JMJD1C: variants seen among roughly 807,000 people sequenced by gnomAD.
The protein encoded by JMJD1C is jumonji domain containing 1C, also known as jumonji domain-containing protein 1C.
In JMJD1C, 31 loss-of-function variants were observed where a neutral mutation model predicts 245.3. That is an observed-to-expected ratio of 0.13 (90% CI 0.09 to 0.17). JMJD1C has a LOEUF of 0.17. Among genes scored for constraint, JMJD1C ranks in the 10% least tolerant of loss-of-function variants. JMJD1C has a pLI of 1.00. For synonymous variants in JMJD1C, 1,057 were observed against 1,017.4 expected, an observed-to-expected ratio of 1.04 and a Z score of -0.74; for missense variants, 2,691 against 3,000.2, an observed-to-expected ratio of 0.90 and a Z score of 2.41.
chr10:63,428,026 T>C, intron 1 of JMJD1C: 2 of 613,608 alleles, frequency 3.3e-6, no homozygotes, highest in Non-Finnish European at 5.9e-6. Flanking sequence ...TACTTTATCA[T>C]TAAAAATCAA....
At chr10:63,323,916 A>G (rs1941217460) in intron 2 of JMJD1C, among the ~76,000 whole-genome samples, 1 of 152,198 alleles carries the variant, frequency 6.6e-6, no homozygotes, top group African/African-American at 2.4e-5. Context: ...AGCTGGAGAA[A>G]CAGGAAAGCC....
At chr10:63,270,212 G>A (rs137966351) in intron 2 of JMJD1C, among the ~76,000 whole-genome samples, 4 of 152,204 alleles carry the variant, frequency 2.6e-5, no homozygotes, top group Admixed American at 6.5e-5. Flanking sequence ...TGTTACCCAG[G>A]CTGGAGCGCA....
intron 2 of JMJD1C, among the ~76,000 whole-genome samples, chr10:63,269,780 T>G (rs1409427925): frequency 6.6e-6 from 1 of 152,222 alleles, no homozygotes; most frequent in East Asian, 1.9e-4. Flanking sequence ...CCTAGATAGT[T>G]CTAAGATACA....
intron 1 of JMJD1C, among the ~76,000 whole-genome samples, chr10:63,385,581 G>A (rs903129127): frequency 6.6e-6 from 1 of 151,588 alleles, no homozygotes; most frequent in African/African-American, 2.4e-5. Context: ...GGGACTACAG[G>A]TGCATGTTAC....
intron 2 of JMJD1C, among the ~76,000 whole-genome samples, chr10:63,327,441 A>AC (rs1039214833): frequency 4.6e-5 from 7 of 152,104 alleles, no homozygotes; most frequent in African/African-American, 9.7e-5. Flanking sequence ...TATTTCCCCC[A>AC]CCCCCAAGTA....
intron 3 of JMJD1C, among the ~76,000 whole-genome samples, chr10:63,248,463 G>A (rs1852558590): frequency 6.6e-6 from 1 of 152,062 alleles, no homozygotes; most frequent in African/African-American, 2.4e-5. Context: ...AGAGGTTGCA[G>A]TGAGCTCAGA....
intron 1 of JMJD1C, among the ~76,000 whole-genome samples, chr10:63,459,352 G>A (rs1024082776): frequency 2.6e-5 from 4 of 152,140 alleles, no homozygotes; most frequent in Admixed American, 1.3e-4. Flanking sequence ...CACTGACAGA[G>A]TATAAACTAG....
intron 2 of JMJD1C, among the ~76,000 whole-genome samples, chr10:63,301,398 G>A (rs1417195289): frequency 6.6e-6 from 1 of 152,132 alleles, no homozygotes; most frequent in Non-Finnish European, 1.5e-5. Flanking sequence ...TTTACTCTAG[G>A]AAGTACACCT....
At chr10:63,247,718 C>CAAAAAA (rs1852412085) in intron 3 of JMJD1C, among the ~76,000 whole-genome samples, 1 of 12,642 alleles carries the variant, frequency 7.9e-5, no homozygotes, top group Admixed American at 4.4e-4. Flanking sequence ...GGTGACAGAG[C>CAAAAAA]CAAAAAAAAA....
intron 2 of JMJD1C, among the ~76,000 whole-genome samples, chr10:63,313,143 T>C (rs1349940580): frequency 1.3e-5 from 2 of 152,214 alleles, no homozygotes; most frequent in African/African-American, 4.8e-5. Flanking sequence ...TGTATGATTC[T>C]TATGCCTTTG....
chr10:63,470,746 G>A (rs1165887832), upstream of JMJD1C, among the ~76,000 whole-genome samples: 2 of 152,160 alleles, frequency 1.3e-5, no homozygotes, highest in African/African-American at 4.8e-5. Context: ...AGAAAAAAAG[G>A]AAGATAGAAA....
rs1950505212 is a variant in JMJD1C at position 63,427,394 on chromosome 10, A to G, written c.168+38101T>C. ...CAGTACCCAAATCCCTATAGCAAAC[A>G]TGTCTTGACGGAAGACACAGTACAC... On this transcript the variant is annotated intron_variant, in intron 1 of 25. Coordinates refer to ENST00000399262, the MANE Select transcript of JMJD1C (RefSeq NM_032776.3). The G allele has an allele frequency of 3.8e-5, 42 of 1,099,086 alleles. 1 individual carries two copies. The South Asian group carries it at 4.8e-4, about 12-fold the overall frequency. The allele number at this position is 1,099,086 out of a possible 1,614,324, so 68.1% of individuals were successfully genotyped here.
chr10:63,430,752 T>G (rs117941507), intron 1 of JMJD1C, among the ~76,000 whole-genome samples: 1,572 of 152,284 alleles, frequency 0.01, 13 homozygotes, highest in Non-Finnish European at 0.016. Context: ...TCAATAAAAC[T>G]ATCTAATTTA....
At chr10:63,288,305 T>G (rs1056849821) in intron 2 of JMJD1C, among the ~76,000 whole-genome samples, 1 of 152,254 alleles carries the variant, frequency 6.6e-6, no homozygotes, top group Admixed American at 6.5e-5. Context: ...TTTCTCCATG[T>G]CTTTTCATAG....
At chr10:63,189,862 G>A (rs1252517554) in intron 17 of JMJD1C, among the ~76,000 whole-genome samples, 1 of 145,988 alleles carries the variant, frequency 6.8e-6, no homozygotes, top group Non-Finnish European at 1.5e-5. Context: ...AGGCATGATT[G>A]ACCCCCCAAT....
chr10:63,346,877 T>C (rs1232139550), intron 2 of JMJD1C, among the ~76,000 whole-genome samples: 1 of 152,148 alleles, frequency 6.6e-6, no homozygotes, highest in East Asian at 1.9e-4. Context: ...AAGGCAGTTT[T>C]AAAGTTCATC....
chr10:63,428,315 A>G (rs931965084), intron 1 of JMJD1C, among the ~76,000 whole-genome samples: 11 of 152,246 alleles, frequency 7.2e-5, no homozygotes, highest in African/African-American at 2.4e-4. Flanking sequence ...CAGTGCCAGT[A>G]AAGAACATTT....
chr10:63,444,665 G>GCC (rs1951594653), intron 1 of JMJD1C, among the ~76,000 whole-genome samples: 1 of 119,704 alleles, frequency 8.4e-6, no homozygotes, highest in Non-Finnish European at 1.7e-5. Flanking sequence ...CACTCTTGCT[G>GCC]CCCGGGCTGG....
chr10:63,287,714 A>C (rs1354513057), intron 2 of JMJD1C, among the ~76,000 whole-genome samples: 1 of 152,098 alleles, frequency 6.6e-6, no homozygotes, highest in Non-Finnish European at 1.5e-5. Context: ...AATATTTATA[A>C]ATATGTGTTC....
Sources: allele counts gnomAD v4.1 joint callset (sites outside exome capture counted in the v4.1 genomes callset), GRCh38; gene constraint gnomAD v4.1.1; transcripts MANE v1.5; gene names NCBI Gene and HGNC (gene_info 2026-07-23, HGNC 2026-07-21).